PCDHGB1: variants seen among roughly 807,000 people sequenced by gnomAD.
The protein encoded by PCDHGB1 is protocadherin gamma-B1.
A neutral mutation model predicts 56.6 loss-of-function variants in PCDHGB1; 34 were observed. That is an observed-to-expected ratio of 0.60 (90% CI 0.46 to 0.80). PCDHGB1 has a LOEUF of 0.80. PCDHGB1 is among the 30% of genes least tolerant of loss of function. The pLI, the probability that PCDHGB1 is intolerant of heterozygous loss-of-function variation, is 0.00. For missense variants in PCDHGB1, 1,278 were observed against 1,204.6 expected (o/e 1.06, Z -0.90); for synonymous variants, 561 against 505.9 (o/e 1.11, Z -1.46).
chr5:141,413,601 A>T (rs2095657842), intron 1 of PCDHGB1: 1 of 1,613,814 alleles, frequency 6.2e-7, no homozygotes, highest in African/African-American at 1.3e-5. Flanking sequence ...CAGAAAATCT[A>T]GACGTAAAAA....
chr5:141,389,524 G>T, intron 1 of PCDHGB1: 1 of 1,613,146 alleles, frequency 6.2e-7, no homozygotes, highest in Non-Finnish European at 8.5e-7. Context: ...GTGAGCCTGC[G>T]CGTGTTAGTG....
chr5:141,408,443 A>G (rs1486863170), intron 1 of PCDHGB1: 1 of 1,613,956 alleles, frequency 6.2e-7, no homozygotes, highest in Non-Finnish European at 8.5e-7. Flanking sequence ...AGACGCGGAG[A>G]GCGGGGACTT....
rs765417366 is a variant in PCDHGB1, at chr5:141,351,865, C to G, written c.1605C>G (p.Ser535=). ...ELTLQARDQG[S]PALSANVSLR... The stretch of plus-strand genomic sequence containing the variant: ...CACTGCAGGCCAGGGACCAGGGCTC[C>G]CCCGCGCTCAGCGCCAACGTGAGCC... The change falls in exon 1 of 4, where the codon TCC becomes TCG. Residue 535 remains serine, a synonymous_variant. Coordinates refer to ENST00000523390, the MANE Select transcript of PCDHGB1 (RefSeq NM_018922.3). 74 of 1,613,128 alleles carry G rather than the reference C, an allele frequency of 4.6e-5. No individual in the cohort carries two copies. Among genetic ancestry groups the G allele is most frequent in the Middle Eastern group, 1.6e-4 (1 of 6,070 alleles).
rs1245735294 is a variant in PCDHGB1, at chr5:141,397,953, C to T, written c.2409+45284C>T. 6.2e-6 allele frequency: 6 copies of T among 961,992 alleles called. No homozygotes were observed. In the Admixed American group the frequency reaches 1.2e-4, roughly 19 times the overall value. The allele number at this position is 961,992 out of a possible 1,614,324, so 59.6% of individuals were successfully genotyped here. ...CCGCAGCGCGCTTTCCAGGGCAGCC[C>T]CAGCTCAGACTCCCCAGCGCCGGCC... On this transcript the variant is annotated intron_variant, in intron 1 of 3. Transcript: ENST00000523390.
intron 1 of PCDHGB1, chr5:141,400,747 G>T (rs2094069778): frequency 5.0e-6 from 3 of 602,662 alleles, no homozygotes; most frequent in African/African-American, 1.9e-5. Context: ...TTTGCTCTTA[G>T]CTTCCTCTCT....
chr5:141,388,135 T>C, intron 1 of PCDHGB1: 1 of 1,452,398 alleles, frequency 6.9e-7, no homozygotes, highest in Non-Finnish European at 9.5e-7. Flanking sequence ...AGCGGGGAGT[T>C]GCTTGTGAGC....
At chr5:141,414,748 G>T (rs765780935) in intron 1 of PCDHGB1, 1 of 1,614,182 alleles carries the variant, frequency 6.2e-7, no homozygotes, top group South Asian at 1.1e-5. Context: ...CAGATCCTTC[G>T]ACTATGAGCA....
chr5:141,417,878 C>T, intron 1 of PCDHGB1: 1 of 1,558,216 alleles, frequency 6.4e-7, no homozygotes, highest in Non-Finnish European at 8.7e-7. Context: ...GAGCTGCGCG[C>T]AGAGGCGCCG....
chr5:141,494,815 G>T lies in PCDHGB1; in HGVS notation c.2418G>T (p.Pro806=). The change falls in exon 2 of 4, where the codon CCG becomes CCT. Residue 806 remains proline, a synonymous_variant. Transcript: ENST00000523390. ...CTCTGTTTTCTCCACAGCAAGCCCC[G>T]CCCAACACGGACTGGCGTTTCTCTC... The part of the protein sequence containing the change: ...YDPSLSSHQA[P]PNTDWRFSQA... 1.2e-6 allele frequency: 2 copies of T among 1,613,976 alleles called. No individual in the cohort carries two copies. The highest frequency in any genetic ancestry group is 1.1e-5 in the South Asian group (1 of 91,072).
At position 141,409,157 on chromosome 5, in the gene PCDHGB1, G is replaced by C. The variant is rs774813801; in HGVS notation, c.2409+56488G>C. 4 of 1,614,054 alleles carry C rather than the reference G, an allele frequency of 2.5e-6. No homozygotes were observed. In the South Asian group the frequency reaches 4.4e-5, roughly 18 times the overall value. ...AGATGTAGAAAGGTACACCATGGAA[G>C]TGGAAGCGAAGGACGGAGGTGGTCT... On this transcript the variant is annotated intron_variant, in intron 1 of 3. Coordinates refer to ENST00000523390, the MANE Select transcript of PCDHGB1 (RefSeq NM_018922.3).
chr5:141,372,305 C>G, intron 1 of PCDHGB1: 2 of 1,613,260 alleles, frequency 1.2e-6, no homozygotes, highest in South Asian at 1.1e-5. Context: ...ACAGGGAGGC[C>G]GCCCGCCAGC....
At chr5:141,399,001 T>C in intron 1 of PCDHGB1, 1 of 1,613,890 alleles carries the variant, frequency 6.2e-7, no homozygotes, top group Non-Finnish European at 8.5e-7. Context: ...TAGTCTGAAT[T>C]CAAAGAGCGG....
intron 1 of PCDHGB1, chr5:141,361,586 G>A: frequency 3.7e-6 from 6 of 1,614,058 alleles, no homozygotes; most frequent in Non-Finnish European, 5.1e-6. Flanking sequence ...TTGGGCCCCA[G>A]TGGCCAAGTT....
Position 141,360,879 on chromosome 5 carries a change from G to T in PCDHGB1, c.2409+8210G>T, listed in dbSNP as rs1761784772. On this transcript the variant is annotated intron_variant, in intron 1 of 3. Coordinates refer to ENST00000523390, the MANE Select transcript of PCDHGB1 (RefSeq NM_018922.3). ...CAGTGTTCAGCCAGGACGTGTACAGGGTCACCCTGAGGGAGGACGTGCCGC... is the reference window on the plus strand; with the variant it reads ...CAGTGTTCAGCCAGGACGTGTACAGTGTCACCCTGAGGGAGGACGTGCCGC... 5.0e-6 allele frequency: 8 copies of T among 1,614,000 alleles called. No individual in the cohort carries two copies. The East Asian group carries it at 1.3e-4, about 27-fold the overall frequency.
chr5:141,445,456 T>A (rs921684111), intron 1 of PCDHGB1, among the ~76,000 whole-genome samples: 8 of 152,218 alleles, frequency 5.3e-5, no homozygotes, highest in Non-Finnish European at 1.0e-4. Flanking sequence ...GATGCAGCAA[T>A]GAACAAGGCA....
intron 1 of PCDHGB1, chr5:141,403,649 T>C: frequency 6.2e-7 from 1 of 1,613,874 alleles, no homozygotes; most frequent in Non-Finnish European, 8.5e-7. Context: ...TGTGACAGTG[T>C]TGGATACAAA....
rs765634746 is a variant in PCDHGB1 at position 141,418,621 on chromosome 5, C to A, written c.2409+65952C>A. On this transcript the variant is annotated intron_variant, in intron 1 of 3. Transcript: ENST00000523390. Reference sequence around the variant, plus strand: ...TGTACAGGGTTAGCCTTCGGGAAGACGTGCCTCCAGGCACCTCCATCCTGA... The same window carrying A: ...TGTACAGGGTTAGCCTTCGGGAAGAAGTGCCTCCAGGCACCTCCATCCTGA... 8 of 1,614,034 alleles carry A rather than the reference C, an allele frequency of 5.0e-6. No individual in the cohort carries two copies. The East Asian group carries it at 1.8e-4, about 36-fold the overall frequency.
chr5:141,469,213 G>A (rs866405809), intron 1 of PCDHGB1, among the ~76,000 whole-genome samples: 21 of 150,912 alleles, frequency 1.4e-4, no homozygotes, highest in African/African-American at 5.1e-4. Flanking sequence ...TGAAGTTGAG[G>A]CTTCAGTGAG....
chr5:141,410,458 T>C (rs776990737), intron 1 of PCDHGB1: 9 of 1,613,922 alleles, frequency 5.6e-6, no homozygotes, highest in Middle Eastern at 3.3e-4. Context: ...CTTATTCTTA[T>C]AATCTGTGCA....
Sources: gnomAD v4.1 joint callset for allele counts (sites outside exome capture counted in the v4.1 genomes callset) on GRCh38, gnomAD v4.1.1 for gene constraint, MANE v1.5 for transcripts, NCBI Gene and HGNC (gene_info 2026-07-23, HGNC 2026-07-21) for gene names.